The following NHSL1 variants were observed in gnomAD, a reference collection of about 807,000 sequenced individuals.
The protein encoded by NHSL1 is NHS-like protein 1.
NHSL1 carries 48 observed loss-of-function variants against 95.0 expected under a neutral mutation model. The ratio of observed to expected loss-of-function variants is 0.51; its 90% confidence interval spans 0.40 to 0.64. The LOEUF (loss-of-function observed/expected upper bound fraction) is 0.64, where lower values mean the gene tolerates loss of function less well. NHSL1 is among the 30% of genes least tolerant of loss of function. The probability of loss-of-function intolerance (pLI) is 0.00; values close to 1 mark genes in which losing one functional copy is unlikely to be tolerated. For missense variants in NHSL1, 1,971 were observed against 2,077.7 expected, an observed-to-expected ratio of 0.95 and a Z score of 1.00; for synonymous variants, 783 against 833.9, an observed-to-expected ratio of 0.94 and a Z score of 1.05.
At chr6:138,472,117 G>T (rs999001110) in intron 3 of NHSL1, among the ~76,000 whole-genome samples, 1 of 146,662 alleles carries the variant, frequency 6.8e-6, no homozygotes, top group Non-Finnish European at 1.5e-5. Context: ...GGGAGATGGA[G>T]TTTGCAGTGA....
At chr6:138,669,406 T>C (rs942736063) in intron 1 of NHSL1, among the ~76,000 whole-genome samples, 1 of 152,146 alleles carries the variant, frequency 6.6e-6, no homozygotes. Flanking sequence ...GCTAAGAACC[T>C]ATGCTATTTA....
Position 138,424,280 on chromosome 6 carries a change from C to A in NHSL1, c.4622G>T (p.Arg1541Leu), listed in dbSNP as rs1004489744. The A allele has an allele frequency of 7.5e-5, 112 of 1,499,830 alleles. No homozygotes were observed. Among genetic ancestry groups the A allele is most frequent in the Non-Finnish European group, 9.9e-5 (111 of 1,122,144 alleles). 92.9% of individuals were successfully genotyped at this position (1,499,830 alleles called of 1,614,324 possible). ...TCCCTCCGCAGCGCCCAGAGCCCCGCGGGCTATGCTGTCCACAGGCTCCAC... is the reference window on the plus strand; with the variant it reads ...TCCCTCCGCAGCGCCCAGAGCCCCGAGGGCTATGCTGTCCACAGGCTCCAC... Reference protein sequence around the residue: ...EAVEPVDSIARGALGAAEGCS... With the variant: ...EAVEPVDSIALGALGAAEGCS... Residue 1541 changes from arginine (R) to leucine (L), a missense_variant, in exon 8 of 8, where the codon CGC becomes CTC. Transcript: ENST00000343505. This position sits in a 1 kb window ranked among gnomAD's most constrained non-coding sequence, Gnocchi z 5.9.
intron 1 of NHSL1, among the ~76,000 whole-genome samples, chr6:138,619,398 T>G (rs545341605): frequency 1.6e-4 from 24 of 152,074 alleles, no homozygotes; most frequent in Non-Finnish European, 2.8e-4. Context: ...CAAGACCTAT[T>G]TATAGGAGCA....
At chr6:138,490,723 C>A (rs956793751) in intron 2 of NHSL1, among the ~76,000 whole-genome samples, 8 of 152,174 alleles carry the variant, frequency 5.3e-5, no homozygotes, top group Admixed American at 5.2e-4. Context: ...GCCTCTGCCT[C>A]CCAGGTTCAA....
At chr6:138,524,544 T>G (rs1781820578) in intron 1 of NHSL1, among the ~76,000 whole-genome samples, 1 of 152,252 alleles carries the variant, frequency 6.6e-6, no homozygotes, top group South Asian at 2.1e-4. Flanking sequence ...ATGTTTATTC[T>G]TATTGGTATG....
chr6:138,569,257 G>T (rs1357061149), intron 1 of NHSL1, among the ~76,000 whole-genome samples: 1 of 151,402 alleles, frequency 6.6e-6, no homozygotes, highest in Non-Finnish European at 1.5e-5. Context: ...GTGTGTGTGT[G>T]TGTGTGTGTG....
intron 2 of NHSL1, among the ~76,000 whole-genome samples, chr6:138,485,570 G>A (rs1317837030): frequency 6.6e-6 from 1 of 152,024 alleles, no homozygotes; most frequent in African/African-American, 2.4e-5. Flanking sequence ...CCGAGTTAAG[G>A]ACACCAAGGA....
intron 1 of NHSL1, among the ~76,000 whole-genome samples, chr6:138,617,138 T>C (rs1284699508): frequency 6.6e-6 from 1 of 152,186 alleles, no homozygotes; most frequent in East Asian, 1.9e-4. Context: ...ACTCAAGTAC[T>C]ATAGTAACTA....
intron 1 of NHSL1, among the ~76,000 whole-genome samples, chr6:138,662,489 G>A (rs1006948442): frequency 1.3e-5 from 2 of 152,204 alleles, no homozygotes; most frequent in Non-Finnish European, 2.9e-5. Flanking sequence ...AATAAAACAT[G>A]ATTGAATGTA....
chr6:138,605,911 T>C (rs1172781675), intron 1 of NHSL1, among the ~76,000 whole-genome samples: 1 of 152,150 alleles, frequency 6.6e-6, no homozygotes, highest in East Asian at 1.9e-4. Context: ...AAATTTGGGG[T>C]TTATGTAATA....
intron 1 of NHSL1, among the ~76,000 whole-genome samples, chr6:138,606,826 T>A (rs1784440576): frequency 6.6e-6 from 1 of 150,410 alleles, no homozygotes; most frequent in African/African-American, 2.4e-5. Flanking sequence ...CCTCAGCCTC[T>A]CGAATAGCTG....
intron 1 of NHSL1, among the ~76,000 whole-genome samples, chr6:138,554,188 A>G (rs555085089): frequency 6.6e-6 from 1 of 152,244 alleles, no homozygotes; most frequent in African/African-American, 2.4e-5. Context: ...CAGAGGGTTT[A>G]GGTTAAAGCA....
At chr6:138,484,338 T>C (rs1228730705) in intron 2 of NHSL1, among the ~76,000 whole-genome samples, 1 of 152,128 alleles carries the variant, frequency 6.6e-6, no homozygotes, top group African/African-American at 2.4e-5. Context: ...CAGGTTTCTT[T>C]GCCAGGGGAG....
chr6:138,484,947 T>C (rs1324419876), intron 2 of NHSL1, among the ~76,000 whole-genome samples: 1 of 152,200 alleles, frequency 6.6e-6, no homozygotes, highest in Non-Finnish European at 1.5e-5. Flanking sequence ...TTAAGAAGCC[T>C]TGAAGAACTA....
At chr6:138,636,635 A>G (rs1435045035) in intron 1 of NHSL1, among the ~76,000 whole-genome samples, 1 of 152,224 alleles carries the variant, frequency 6.6e-6, no homozygotes, top group Non-Finnish European at 1.5e-5. Context: ...CAATCTGAAA[A>G]AGAAATTTTA....
At chr6:138,556,382 C>A (rs1318867495) in intron 1 of NHSL1, among the ~76,000 whole-genome samples, 5 of 152,084 alleles carry the variant, frequency 3.3e-5, no homozygotes. Flanking sequence ...GAAGGAATAA[C>A]AATGCTTCTG....
At chr6:138,591,185 T>C (rs74620623) in intron 1 of NHSL1, among the ~76,000 whole-genome samples, 1,786 of 152,318 alleles carry the variant, frequency 0.012, 26 homozygotes, top group African/African-American at 0.041. Context: ...TAAGGGGCTA[T>C]TGATACCAGT....
intron 1 of NHSL1, among the ~76,000 whole-genome samples, chr6:138,595,061 C>A (rs550256761): frequency 6.6e-6 from 1 of 152,324 alleles, no homozygotes; most frequent in East Asian, 1.9e-4. Context: ...CAGAGATTCC[C>A]ACTATGCTGA....
chr6:138,663,833 T>C (rs1347339943), intron 1 of NHSL1, among the ~76,000 whole-genome samples: 2 of 152,138 alleles, frequency 1.3e-5, no homozygotes, highest in East Asian at 1.9e-4. Flanking sequence ...ATTGTGCCAC[T>C]GCACTCCAGC....
Sources: allele counts gnomAD v4.1 joint callset (sites outside exome capture counted in the v4.1 genomes callset), GRCh38; gene constraint gnomAD v4.1.1; non-coding constraint Gnocchi (gnomAD v3.1); transcripts MANE v1.5; gene names NCBI Gene and HGNC (gene_info 2026-07-23, HGNC 2026-07-21).